Variants in SDK1 observed in about 807,000 individuals in gnomAD.
The protein encoded by SDK1 is sidekick cell adhesion molecule 1, also known as protein sidekick-1.
A neutral mutation model predicts 245.5 loss-of-function variants in SDK1; 157 were observed. The observed-to-expected ratio is 0.64, with a 90% CI of 0.56 to 0.73. The LOEUF (loss-of-function observed/expected upper bound fraction) is 0.73, where lower values mean the gene tolerates loss of function less well. Among genes scored for constraint, SDK1 ranks in the 30% least tolerant of loss-of-function variants. SDK1 has a pLI of 0.00. For synonymous variants in SDK1, 1,647 were observed against 1,278.5 expected (o/e 1.29, Z -6.15); for missense variants, 3,583 against 3,002.3 (o/e 1.19, Z -4.52).
Position 4,215,867 on chromosome 7 carries a change from G to A in SDK1, c.5540-4242G>A, listed in dbSNP as rs79882778. Among the ~76,000 whole-genome samples the A allele has an allele frequency of 9.0e-3, 1,367 of 152,274 alleles. 16 individuals are homozygous for A. Among genetic ancestry groups the A allele is most frequent in the African/African-American group, 0.03 (1,252 of 41,544 alleles). On this transcript the variant is annotated intron_variant, in intron 38 of 44. Transcript: ENST00000404826. ...CCCCTGCCCTGCTCCACTCCTCACC[G>A]TGGTCCTATGAGGTAAGCGCTGCCA...
At chr7:3,625,465 CTTTG>C (rs1475097666) in intron 2 of SDK1, among the ~76,000 whole-genome samples, 1 of 151,390 alleles carries the variant, frequency 6.6e-6, no homozygotes, top group Non-Finnish European at 1.5e-5. Flanking sequence ...GGCTCTCCTT[CTTTG>C]TTTGTGAATG....
At chr7:4,031,576 CACTT>C (rs1787822180) in intron 17 of SDK1, among the ~76,000 whole-genome samples, 2 of 150,892 alleles carry the variant, frequency 1.3e-5, no homozygotes, top group Admixed American at 1.3e-4. Context: ...AAGACACACA[CACTT>C]ACATATGTCA....
At chr7:3,672,875 C>T (rs1783762887) in intron 4 of SDK1, among the ~76,000 whole-genome samples, 2 of 143,820 alleles carry the variant, frequency 1.4e-5, no homozygotes, top group South Asian at 4.3e-4. Flanking sequence ...CCATCCCCAC[C>T]CTTGAGGGTT....
At chr7:3,839,335 GA>G (rs1057330287) in intron 5 of SDK1, among the ~76,000 whole-genome samples, 1 of 152,178 alleles carries the variant, frequency 6.6e-6, no homozygotes, top group African/African-American at 2.4e-5. Flanking sequence ...AAGTGGGTAA[GA>G]AATCCCCTTG....
chr7:4,208,918 G>C (rs1382257519), intron 37 of SDK1, among the ~76,000 whole-genome samples: 1 of 152,248 alleles, frequency 6.6e-6, no homozygotes, highest in South Asian at 2.1e-4. Flanking sequence ...CTGTGAAGCT[G>C]CTTGGCCTTG....
chr7:3,585,756 G>C (rs960105715), intron 1 of SDK1, among the ~76,000 whole-genome samples: 1 of 152,184 alleles, frequency 6.6e-6, no homozygotes, highest in Non-Finnish European at 1.5e-5. Flanking sequence ...CACAGCATAA[G>C]AGATGAAACG....
chr7:4,011,344 G>C (rs1439946253), intron 15 of SDK1, among the ~76,000 whole-genome samples: 1 of 152,208 alleles, frequency 6.6e-6, no homozygotes, highest in African/African-American at 2.4e-5. Context: ...GATTTTTCCT[G>C]TGGCGATCTG....
intron 4 of SDK1, among the ~76,000 whole-genome samples, chr7:3,684,350 C>A (rs930199): frequency 0.14 from 21,083 of 152,196 alleles, 2,728 homozygotes; most frequent in East Asian, 0.4. Flanking sequence ...CTCCCCTCCC[C>A]CTTCCTGGTG....
chr7:4,171,936 C>A (rs1333415098), intron 32 of SDK1, among the ~76,000 whole-genome samples: 1 of 152,184 alleles, frequency 6.6e-6, no homozygotes, highest in Non-Finnish European at 1.5e-5. Flanking sequence ...CTCAGACGCG[C>A]CCCCACCCCC....
intron 1 of SDK1, among the ~76,000 whole-genome samples, chr7:3,426,758 T>C (rs1400387525): frequency 6.6e-6 from 1 of 152,208 alleles, no homozygotes; most frequent in Non-Finnish European, 1.5e-5. Context: ...ATAAATTAAT[T>C]CCGTTTATTC....
Position 3,576,656 on chromosome 7 carries a change from G to A in SDK1, c.299-42424G>A, listed in dbSNP as rs118061544. 3.4e-3 allele frequency among the ~76,000 whole-genome samples: 517 copies of A among 152,038 alleles called. 7 individuals carry two copies. Among genetic ancestry groups the A allele is most frequent in the Non-Finnish European group, 6.3e-3 (426 of 67,920 alleles). On this transcript the variant is annotated intron_variant, in intron 1 of 44. Coordinates refer to ENST00000404826, the MANE Select transcript of SDK1 (RefSeq NM_152744.4). Reference sequence around the variant, plus strand: ...GTCATTTTTCTCCAGTGTAGGCAACGTTATCGATACCCATGTGACTTATGC... The same window carrying A: ...GTCATTTTTCTCCAGTGTAGGCAACATTATCGATACCCATGTGACTTATGC...
At chr7:3,509,065 G>T (rs989286174) in intron 1 of SDK1, among the ~76,000 whole-genome samples, 1 of 144,348 alleles carries the variant, frequency 6.9e-6, no homozygotes, top group Non-Finnish European at 1.5e-5. Flanking sequence ...TAAGGAAGGT[G>T]GGGTGTGTGT....
chr7:3,421,678 G>A (rs1779540290), intron 1 of SDK1, among the ~76,000 whole-genome samples: 1 of 152,192 alleles, frequency 6.6e-6, no homozygotes, highest in African/African-American at 2.4e-5. Context: ...TAGGCAGTGA[G>A]GTAGCTTTCT....
At chr7:4,063,432 G>C (rs1230186147) in intron 19 of SDK1, among the ~76,000 whole-genome samples, 1 of 151,940 alleles carries the variant, frequency 6.6e-6, no homozygotes, top group Non-Finnish European at 1.5e-5. Flanking sequence ...ACAAAACATT[G>C]ATGAAAGGAA....
intron 17 of SDK1, among the ~76,000 whole-genome samples, chr7:4,027,287 G>A (rs908516352): frequency 6.6e-6 from 1 of 152,186 alleles, no homozygotes; most frequent in Non-Finnish European, 1.5e-5. Context: ...CAGGGAAGGT[G>A]GTGTTGCTTT....
At chr7:3,765,053 A>G (rs1328402163) in intron 4 of SDK1, among the ~76,000 whole-genome samples, 1 of 152,174 alleles carries the variant, frequency 6.6e-6, no homozygotes, top group African/African-American at 2.4e-5. Flanking sequence ...ACATAAAACA[A>G]AACTTTTTGG....
At chr7:4,191,991 T>C (rs1436439771) in intron 35 of SDK1, among the ~76,000 whole-genome samples, 1 of 152,180 alleles carries the variant, frequency 6.6e-6, no homozygotes, top group Non-Finnish European at 1.5e-5. Context: ...ACCCTCGCCC[T>C]GCTCCTCCTC....
chr7:3,744,299 G>A (rs930771621), intron 4 of SDK1, among the ~76,000 whole-genome samples: 7 of 151,690 alleles, frequency 4.6e-5, no homozygotes, highest in South Asian at 2.1e-4. Flanking sequence ...TGCATAGCAC[G>A]TATCACTACC....
rs11366306 is a variant in SDK1 at position 3,406,179 on chromosome 7, CT to C, written c.298+104296del. ...GTGGTTAATCCACGTGATTTTTGTT[CT>C]CATTTAAAATCCTATGCATTCAAAA... is the stretch of plus-strand genomic sequence containing the variant. On this transcript the variant is annotated intron_variant, in intron 1 of 44. Coordinates refer to ENST00000404826, the MANE Select transcript of SDK1 (RefSeq NM_152744.4). Among the ~76,000 whole-genome samples the C allele has an allele frequency of 9.8e-4, 150 of 152,312 alleles. 5 individuals carry two copies. In the East Asian group the frequency reaches 0.027, roughly 28 times the overall value.
Sources: gnomAD v4.1 joint callset for allele counts (sites outside exome capture counted in the v4.1 genomes callset) on GRCh38, gnomAD v4.1.1 for gene constraint, MANE v1.5 for transcripts, NCBI Gene and HGNC (gene_info 2026-07-23, HGNC 2026-07-21) for gene names.